Variants in ASTN1 observed in about 807,000 individuals in gnomAD.
ASTN1 encodes astrotactin 1, also known as astrotactin-1.
In ASTN1, 41 loss-of-function variants were observed where a neutral mutation model predicts 140.7. The ratio of observed to expected loss-of-function variants is 0.29; its 90% CI spans 0.23 to 0.38. The LOEUF (loss-of-function observed/expected upper bound fraction) is 0.38. Ranked by LOEUF, ASTN1 falls within the 10% of genes least tolerant of loss-of-function variation. ASTN1 has a pLI of 1.00. For missense variants in ASTN1, 1,479 were observed against 1,678.8 expected (o/e 0.88, Z 2.08); for synonymous variants, 640 against 652.2 (o/e 0.98, Z 0.29).
chr1:177,134,233 C>T (rs997872827), intron 1 of ASTN1, among the ~76,000 whole-genome samples: 8 of 152,220 alleles, frequency 5.3e-5, no homozygotes, highest in African/African-American at 1.9e-4. Flanking sequence ...GTTACATTTT[C>T]ATTTCACTGA....
At chr1:177,006,103 G>A (rs1386315895) in intron 8 of ASTN1, among the ~76,000 whole-genome samples, 1 of 152,156 alleles carries the variant, frequency 6.6e-6, no homozygotes, top group Non-Finnish European at 1.5e-5. Flanking sequence ...CTGGGCTGCT[G>A]TCTTCTTTCC....
At chr1:176,891,907 T>C (rs772981698) in intron 17 of ASTN1, among the ~76,000 whole-genome samples, 32 of 152,230 alleles carry the variant, frequency 2.1e-4, no homozygotes, top group Non-Finnish European at 1.5e-4. Flanking sequence ...AAGGGATACA[T>C]GGGTTGGCCT....
In ASTN1 at chr1:176,994,269, A is replaced by G. The variant is rs531921971; in HGVS notation, c.1523+20522T>C. On this transcript the variant is annotated intron_variant, in intron 8 of 22. Coordinates refer to ENST00000361833, the MANE Select transcript of ASTN1 (RefSeq NM_004319.3). ...TGTGGATCTCAAACAGTCTTCTTGT[A>G]AAGCTATGGTCAGCTTCCTAATGCA... is the stretch of plus-strand genomic sequence containing the variant. Among the ~76,000 whole-genome samples the G allele has an allele frequency of 4.6e-5, 7 of 152,182 alleles. No individual in the cohort carries two copies. In the East Asian group the frequency reaches 1.2e-3, roughly 25 times the overall value.
rs1215515579 is a variant in ASTN1, at chr1:177,164,307, G to C, written c.283+87C>G. Reference sequence around the variant, plus strand: ...AGGAGTGGGGGAGGGGAGGTCGTCGGCGAGTGGGTGTGTAGAGCGAGCTGG... The same window carrying C: ...AGGAGTGGGGGAGGGGAGGTCGTCGCCGAGTGGGTGTGTAGAGCGAGCTGG... On this transcript the variant is annotated intron_variant, in intron 1 of 22. Coordinates refer to ENST00000361833, the MANE Select transcript of ASTN1 (RefSeq NM_004319.3). 6 of 1,357,284 alleles carry C rather than the reference G, an allele frequency of 4.4e-6. No homozygotes were observed. In the East Asian group the frequency reaches 7.6e-5, roughly 17 times the overall value. The allele number at this position is 1,357,284 out of a possible 1,614,324, so 84.1% of individuals were successfully genotyped here.
In ASTN1 at chr1:177,029,475, T is replaced by G. The variant is rs779568788; in HGVS notation, c.1120+159A>C. 5 of 798,900 alleles carry G rather than the reference T, an allele frequency of 6.3e-6. No individual in the cohort carries two copies. In the African/African-American group the frequency reaches 8.5e-5, roughly 14 times the overall value. The allele number at this position is 798,900 out of a possible 1,614,324, so 49.5% of individuals were successfully genotyped here. On this transcript the variant is annotated intron_variant, in intron 5 of 22. Transcript: ENST00000361833. ...ATTTTCCACTCTAGGCTCTTCTTTC[T>G]TCCTTAGGAGGAAACACCAGTTGTG...
chr1:177,102,984 G>A (rs978509684), intron 1 of ASTN1, among the ~76,000 whole-genome samples: 2 of 152,122 alleles, frequency 1.3e-5, no homozygotes, highest in Admixed American at 6.5e-5. Context: ...ACTGAAATAC[G>A]CATTTGATCT....
At chr1:176,909,725 T>A (rs1670148605) in intron 16 of ASTN1, among the ~76,000 whole-genome samples, 1 of 134,252 alleles carries the variant, frequency 7.4e-6, no homozygotes, top group African/African-American at 3.0e-5. Flanking sequence ...TAGCTGTTAG[T>A]ACTGAGTGCC....
intron 12 of ASTN1, among the ~76,000 whole-genome samples, chr1:176,948,022 C>T (rs1041786034): frequency 6.6e-6 from 1 of 152,046 alleles, no homozygotes; most frequent in Admixed American, 6.6e-5. Context: ...TGAGAGTTTA[C>T]AAGAAACTGA....
chr1:177,156,848 T>A (rs2102258704), intron 1 of ASTN1, among the ~76,000 whole-genome samples: 1 of 152,368 alleles, frequency 6.6e-6, no homozygotes, highest in African/African-American at 2.4e-5. Context: ...ACCCTTGATA[T>A]GATCTGATGA....
In ASTN1 at chr1:176,862,467, A is replaced by G; in HGVS notation, c.*1817T>C. On this transcript the variant is annotated 3_prime_UTR_variant, in exon 23 of 23. Coordinates refer to ENST00000361833, the MANE Select transcript of ASTN1 (RefSeq NM_004319.3). ...CTTCCACTGCACAGAGGACATGTCC[A>G]TGCCACAGATGCTTGGGAAAGGTAA... The G allele has an allele frequency of 5.1e-6, 5 of 985,414 alleles. No individual in the cohort carries two copies. The highest frequency in any genetic ancestry group is 1.7e-5 in the African/African-American group (1 of 57,352). 61.0% of individuals were successfully genotyped at this position (985,414 alleles called of 1,614,324 possible).
At chr1:176,959,021 A>G (rs527731195) in intron 9 of ASTN1, among the ~76,000 whole-genome samples, 1 of 152,296 alleles carries the variant, frequency 6.6e-6, no homozygotes, top group Non-Finnish European at 1.5e-5. Flanking sequence ...GAACAAATGA[A>G]CAAAACAGGC....
chr1:176,878,792 C>T (rs34513430), intron 20 of ASTN1, among the ~76,000 whole-genome samples: 4,131 of 152,192 alleles, frequency 0.027, 77 homozygotes, highest in Middle Eastern at 0.041. Flanking sequence ...GTCTGGGACT[C>T]CCACAAGGCG....
At chr1:176,923,113 G>C (rs1241408315) in intron 16 of ASTN1, among the ~76,000 whole-genome samples, 1 of 152,106 alleles carries the variant, frequency 6.6e-6, no homozygotes, top group African/African-American at 2.4e-5. Flanking sequence ...ATGCAATTCT[G>C]TCTAATACTA....
At chr1:177,161,316 A>T (rs894042181) in intron 1 of ASTN1, among the ~76,000 whole-genome samples, 5 of 152,202 alleles carry the variant, frequency 3.3e-5, no homozygotes, top group African/African-American at 1.2e-4. Context: ...TGCCATATGC[A>T]TGCCATTTCC....
chr1:177,073,010 G>T (rs1678719226), intron 1 of ASTN1, among the ~76,000 whole-genome samples: 2 of 152,190 alleles, frequency 1.3e-5, no homozygotes, highest in African/African-American at 4.8e-5. Context: ...AAAGGAATAT[G>T]GCTGTAGTTT....
At chr1:177,138,214 G>A (rs937219810) in intron 1 of ASTN1, among the ~76,000 whole-genome samples, 3 of 152,176 alleles carry the variant, frequency 2.0e-5, no homozygotes, top group Non-Finnish European at 4.4e-5. Flanking sequence ...TCTATTCAAG[G>A]TCAACCTTAC....
intron 1 of ASTN1, among the ~76,000 whole-genome samples, chr1:177,096,526 C>A (rs1444302267): frequency 6.6e-6 from 1 of 152,144 alleles, no homozygotes; most frequent in African/African-American, 2.4e-5. Context: ...TGTCCCTACT[C>A]AAATCTCATC....
At chr1:176,954,183 C>T (rs994692388) in intron 11 of ASTN1, among the ~76,000 whole-genome samples, 4 of 152,110 alleles carry the variant, frequency 2.6e-5, no homozygotes, top group South Asian at 2.1e-4. Context: ...ATGGCAAAAG[C>T]GACTTTGCAG....
At chr1:176,981,691 A>G (rs1673628892) in intron 8 of ASTN1, 2 of 152,740 alleles carry the variant, frequency 1.3e-5, no homozygotes, top group Admixed American at 1.3e-4. Flanking sequence ...GGATGTGACG[A>G]TGAAGGAGAG....
Sources: gnomAD v4.1 joint callset for allele counts (sites outside exome capture counted in the v4.1 genomes callset) on GRCh38, gnomAD v4.1.1 for gene constraint, MANE v1.5 for transcripts, NCBI Gene and HGNC (gene_info 2026-07-23, HGNC 2026-07-21) for gene names.